Variants in GTPBP10 observed in about 807,000 individuals in gnomAD.
GTPBP10 encodes the protein GTP binding protein 10, also known as GTP-binding protein 10.
In GTPBP10, 38 loss-of-function variants were observed where a neutral mutation model predicts 44.8. The ratio of observed to expected loss-of-function variants is 0.85; its 90% CI spans 0.65 to 1.11. The LOEUF is 1.11. Among genes scored for constraint, GTPBP10 ranks in the 50% most tolerant of loss-of-function variants. The probability of loss-of-function intolerance (pLI) is 0.00; values close to 1 mark genes in which losing one functional copy is unlikely to be tolerated. For synonymous variants in GTPBP10, 152 were observed against 150.6 expected (o/e 1.01, Z -0.07); for missense variants, 462 against 453.7 (o/e 1.02, Z -0.17).
At chr7:90,355,312 G>C in intron 4 of GTPBP10, 82 bp downstream of exon 4, 2 of 898,962 alleles carry the variant, frequency 2.2e-6, no homozygotes, top group Non-Finnish European at 3.2e-6. Flanking sequence ...GGTAATTTGG[G>C]GCCATAATTA....
At position 90,385,053 on chromosome 7, in the gene GTPBP10, C is replaced by G. The variant is rs1375189560; in HGVS notation, c.1063C>G (p.His355Asp). The G allele has an allele frequency of 6.2e-7, 1 of 1,613,764 alleles. No homozygotes were observed. Reference sequence around the variant, plus strand: ...GGCCAACCAGGAAAATGATGCACTTCATAAGAAACAGTTGCTTAATTTGTG... The same window carrying G: ...GGCCAACCAGGAAAATGATGCACTTGATAAGAAACAGTTGCTTAATTTGTG... The part of the protein sequence containing the change: ...EQANQENDAL[H>D]KKQLLNLWIS... The change falls in exon 10 of 10, where the codon CAT becomes GAT. Residue 355 changes from histidine (H) to aspartate (D), a missense_variant. By Grantham distance (81) the His-to-Asp change is moderately conservative. Coordinates refer to ENST00000222511, the MANE Select transcript of GTPBP10 (RefSeq NM_033107.4).
chr7:90,378,333 G>T (rs1796379702), intron 8 of GTPBP10, 122 bp downstream of exon 8: 3 of 1,253,654 alleles, frequency 2.4e-6, no homozygotes, highest in Non-Finnish European at 3.2e-6. Flanking sequence ...GTCAGTTAAA[G>T]AATTACTTAA....
In GTPBP10 at chr7:90,389,755, CTTT is replaced by C. The variant is rs1245256901; in HGVS notation, c.*4606_*4608del. 6.6e-6 allele frequency: 1 copy of C among 152,010 alleles called. No individual in the cohort carries two copies. The highest frequency in any genetic ancestry group is 2.4e-5 in the African/African-American group (1 of 41,388). The allele number at this position is 152,010 out of a possible 1,614,324, so 9.4% of individuals were successfully genotyped here. A position where few individuals can be genotyped will look rare whatever the true frequency, so the allele number is the denominator to read the frequency against. On this transcript the variant is annotated 3_prime_UTR_variant, in exon 10 of 10. Transcript: ENST00000222511. ...AAGTTAAGCAGTGAAAAATAAACAT[CTTT>C]TTTTCTTAAAGAGATATTTCATATC...
chr7:90,348,897 A>G (rs1795735544), intron 1 of GTPBP10, among the ~76,000 whole-genome samples: 1 of 152,168 alleles, frequency 6.6e-6, no homozygotes, highest in Admixed American at 6.5e-5. Context: ...TTTTTCTGGT[A>G]GTTTATTCTG....
At chr7:90,370,981 G>C (rs994776387) in intron 4 of GTPBP10, among the ~76,000 whole-genome samples, 1 of 150,812 alleles carries the variant, frequency 6.6e-6, no homozygotes, top group South Asian at 2.1e-4. Context: ...ACTCCAGCCT[G>C]GGCAACAGAG....
At chr7:90,355,351 G>T in intron 4 of GTPBP10, 121 bp downstream of exon 4, 1 of 610,104 alleles carries the variant, frequency 1.6e-6, no homozygotes, top group East Asian at 3.0e-5. Flanking sequence ...TGTGTGTTGT[G>T]TATGTACTTG....
At chr7:90,369,867 A>G (rs1303091964) in intron 4 of GTPBP10, among the ~76,000 whole-genome samples, 1 of 152,178 alleles carries the variant, frequency 6.6e-6, no homozygotes, top group African/African-American at 2.4e-5. Context: ...CAGGTACCTC[A>G]GTTGGAAATG....
chr7:90,355,126 A>C lies in GTPBP10; in HGVS notation c.360A>C (p.Gln120His), dbSNP rs750288694. The change falls in exon 4 of 10, where the codon CAA becomes CAC. Residue 120 changes from glutamine to histidine, a missense_variant. Transcript: ENST00000222511. ...AAAATGACAGAATTTTGGTAGCTCA[A>C]GGAGGTCTTGGTGGTAAATTACTTA... ...NKENDRILVAQGGLGGKLLTN... is the reference protein window; with the variant it reads ...NKENDRILVAHGGLGGKLLTN... The C allele has an allele frequency of 6.2e-7, 1 of 1,600,624 alleles. No homozygotes were observed. Among genetic ancestry groups the C allele is most frequent in the Non-Finnish European group, 8.5e-7 (1 of 1,170,174 alleles).
At chr7:90,377,356 T>G in intron 6 of GTPBP10, 151 bp from the exon 7 acceptor site, 1 of 496,246 alleles carries the variant, frequency 2.0e-6, no homozygotes, top group Non-Finnish European at 3.6e-6. Flanking sequence ...GTACATTAAT[T>G]TTACTCTTAT....
chr7:90,380,958 G>A (rs1296897965), intron 8 of GTPBP10, among the ~76,000 whole-genome samples: 3 of 151,966 alleles, frequency 2.0e-5, no homozygotes, highest in Admixed American at 6.6e-5. Context: ...TGTTATAAAC[G>A]ACAAGATTTT....
At chr7:90,351,031 G>C (rs1270364759) in intron 1 of GTPBP10, among the ~76,000 whole-genome samples, 1 of 152,220 alleles carries the variant, frequency 6.6e-6, no homozygotes, top group African/African-American at 2.4e-5. Flanking sequence ...GTACTGGCAA[G>C]ATGAACTGCT....
At chr7:90,368,285 CTT>C (rs1679730782) in intron 4 of GTPBP10, among the ~76,000 whole-genome samples, 1 of 152,114 alleles carries the variant, frequency 6.6e-6, no homozygotes, top group African/African-American at 2.4e-5. Context: ...CGAGGAGTAT[CTT>C]TGTGGTGTTC....
rs1224217370 is a variant in GTPBP10 at position 90,382,988 on chromosome 7, A to G, written c.810A>G (p.Thr270=). ...AATTGTACAAAGAGGAACTTCAGAC[A>G]AAACCTGCACTCTTGGCAGTTAATA... ...ELELYKEELQ[T]KPALLAVNKM... The change falls in exon 9 of 10, where the codon ACA becomes ACG. Residue 270 remains threonine (T), a synonymous_variant. Coordinates refer to ENST00000222511, the MANE Select transcript of GTPBP10 (RefSeq NM_033107.4). 1.3e-6 allele frequency: 2 copies of G among 1,591,240 alleles called. No individual in the cohort carries two copies. The highest frequency in any genetic ancestry group is 3.4e-5 in the Admixed American group (2 of 59,364).
chr7:90,358,486 G>A (rs17863074), intron 4 of GTPBP10, among the ~76,000 whole-genome samples: 37,289 of 151,848 alleles, frequency 0.25, 4,883 homozygotes, highest in African/African-American at 0.34. Context: ...CCAACTGATC[G>A]TCAACAAAGC....
At chr7:90,348,594 G>A (rs1285076883) in intron 1 of GTPBP10, among the ~76,000 whole-genome samples, 2 of 151,266 alleles carry the variant, frequency 1.3e-5, no homozygotes, top group African/African-American at 4.9e-5. Context: ...GGAAGAGGAG[G>A]AGTTGGTCTT....
intron 7 of GTPBP10, 189 bp from the exon 8 acceptor site, chr7:90,377,945 G>T (rs1217250446): frequency 3.9e-6 from 2 of 513,478 alleles, no homozygotes; most frequent in African/African-American, 4.1e-5. Context: ...ATTAATAACT[G>T]TAATTTTATC....
Position 90,385,029 on chromosome 7 carries a change from GC to G in GTPBP10, c.1041del (p.Asn348ThrfsTer39). ...NCIRKSLDEQ[A>X]NQENDALHKK... is the part of the protein sequence containing the mutation. ...TATAAGAAAGTCACTGGATGAACAG[GC>G]CAACCAGGAAAATGATGCACTTCAT... On this transcript the variant is annotated frameshift_variant, in exon 10 of 10. Transcript: ENST00000222511. LOFTEE classifies it high-confidence loss of function. The G allele has an allele frequency of 6.2e-7, 1 of 1,613,930 alleles. No homozygotes were observed. The highest frequency in any genetic ancestry group is 2.2e-5 in the East Asian group (1 of 44,836).
intron 2 of GTPBP10, among the ~76,000 whole-genome samples, chr7:90,353,471 G>C (rs760244656): frequency 3.3e-5 from 5 of 152,156 alleles, no homozygotes; most frequent in Non-Finnish European, 5.9e-5. Flanking sequence ...AAAAATGAGA[G>C]TACAGTATTT....
chr7:90,377,409 CTG>C, intron 6 of GTPBP10, 96 bp from the exon 7 acceptor site: 2 of 690,960 alleles, frequency 2.9e-6, no homozygotes, highest in South Asian at 2.2e-5. Context: ...AAGTTAGGAA[CTG>C]TTTATATTTG....
Sources: allele counts gnomAD v4.1 joint callset (sites outside exome capture counted in the v4.1 genomes callset), GRCh38; gene constraint gnomAD v4.1.1; transcripts MANE v1.5; gene names NCBI Gene and HGNC (gene_info 2026-07-23, HGNC 2026-07-21).